Variants in CCDC102B observed in about 807,000 individuals in gnomAD.
CCDC102B encodes the protein coiled-coil domain-containing protein 102B.
CCDC102B carries 75 observed loss-of-function variants against 57.4 expected under a neutral mutation model. That is an observed-to-expected ratio of 1.31 (90% CI 1.08 to 1.58). The LOEUF (loss-of-function observed/expected upper bound fraction) is 1.58, where lower values mean the gene tolerates loss of function less well. Ranked by LOEUF, CCDC102B falls within the 40% of genes most tolerant of loss-of-function variation. CCDC102B has a pLI of 0.00. For synonymous variants in CCDC102B, 206 were observed against 201.9 expected, an observed-to-expected ratio of 1.02 and a Z score of -0.17; for missense variants, 636 against 582.6, an observed-to-expected ratio of 1.09 and a Z score of -0.94.
chr18:69,054,725 T>C lies in CCDC102B; in HGVS notation c.*588T>C, dbSNP rs1342610730. 1 of 985,034 alleles carries C rather than the reference T, an allele frequency of 1.0e-6. No individual in the cohort carries two copies. Among genetic ancestry groups the C allele is most frequent in the African/African-American group, 1.7e-5 (1 of 57,214 alleles). The allele number at this position is 985,034 out of a possible 1,614,324, so 61.0% of individuals were successfully genotyped here. ...GTGTTTTGTATTTTAAAGTAACAGATAACCAGTGATTGAATCTAAGACAGG... is the reference window on the plus strand; with the variant it reads ...GTGTTTTGTATTTTAAAGTAACAGACAACCAGTGATTGAATCTAAGACAGG... On this transcript the variant is annotated 3_prime_UTR_variant, in exon 8 of 8. Coordinates refer to ENST00000360242, the MANE Select transcript of CCDC102B (RefSeq NM_024781.3).
chr18:69,026,041 G>A (rs2051979901), intron 7 of CCDC102B, among the ~76,000 whole-genome samples: 1 of 152,108 alleles, frequency 6.6e-6, no homozygotes, highest in East Asian at 1.9e-4. Flanking sequence ...TCCTTGTCAA[G>A]CATCATGAAA....
In CCDC102B at chr18:68,874,660, C is replaced by A. The variant is rs1417240088; in HGVS notation, c.937-9C>A. The A allele has an allele frequency of 6.4e-7, 1 of 1,562,788 alleles. No homozygotes were observed. The highest frequency in any genetic ancestry group is 8.8e-7 in the Non-Finnish European group (1 of 1,134,628). ...ATCCTGTGATTGTAATTTCAACTTT[C>A]TTTTTCAGTTTGACATTCTTCTTGG... On this transcript the variant is annotated splice_polypyrimidine_tract_variant and intron_variant, in intron 4 of 7. Coordinates refer to ENST00000360242, the MANE Select transcript of CCDC102B (RefSeq NM_024781.3).
chr18:68,946,113 CAT>C (rs1415348700), intron 6 of CCDC102B, among the ~76,000 whole-genome samples: 2 of 151,904 alleles, frequency 1.3e-5, no homozygotes, highest in African/African-American at 4.8e-5. Flanking sequence ...GAAAAATCAA[CAT>C]AGTTAAGTGA....
In CCDC102B at chr18:69,032,009, G is replaced by A. The variant is rs571858087; in HGVS notation, c.1434+20905G>A. 2.6e-5 allele frequency among the ~76,000 whole-genome samples: 4 copies of A among 151,850 alleles called. No homozygotes were observed. The South Asian group carries it at 8.3e-4, about 32-fold the overall frequency. On this transcript the variant is annotated intron_variant, in intron 7 of 7. Transcript: ENST00000360242. ...TTCTTTTGGTTAAAATGGTAAGAAG[G>A]AATAACTGGATTTTTATATCAAGAT...
intron 6 of CCDC102B, among the ~76,000 whole-genome samples, chr18:68,963,634 T>TA (rs1057194959): frequency 2.6e-5 from 4 of 151,954 alleles, no homozygotes; most frequent in Middle Eastern, 3.4e-3. Flanking sequence ...GCCTCCTACT[T>TA]AGAGAATATT....
At chr18:68,806,405 CT>C (rs1462971147) in intron 1 of CCDC102B, among the ~76,000 whole-genome samples, 17 of 151,824 alleles carry the variant, frequency 1.1e-4, no homozygotes, top group African/African-American at 4.1e-4. Context: ...ATTCACTTAC[CT>C]TTGAATAGCA....
At chr18:68,918,351 A>G (rs1428512442) in intron 6 of CCDC102B, among the ~76,000 whole-genome samples, 1 of 152,028 alleles carries the variant, frequency 6.6e-6, no homozygotes, top group Non-Finnish European at 1.5e-5. Context: ...TTTCTCTACA[A>G]TTAACTCCGT....
chr18:68,945,621 A>G (rs563630910), intron 6 of CCDC102B, among the ~76,000 whole-genome samples: 1 of 152,098 alleles, frequency 6.6e-6, no homozygotes, highest in Non-Finnish European at 1.5e-5. Flanking sequence ...TTGGTTACTG[A>G]AGCATGCTGT....
intron 2 of CCDC102B, among the ~76,000 whole-genome samples, chr18:68,729,541 T>TC (rs1476148403): frequency 6.6e-6 from 1 of 152,208 alleles, no homozygotes; most frequent in African/African-American, 2.4e-5. Context: ...TGACTTGATA[T>TC]ATCACGTTGG....
intron 2 of CCDC102B, among the ~76,000 whole-genome samples, chr18:68,767,498 T>G (rs2034507630): frequency 6.6e-6 from 1 of 152,236 alleles, no homozygotes; most frequent in African/African-American, 2.4e-5. Flanking sequence ...AAATGCTTGT[T>G]GTTTAAGCTT....
At chr18:69,021,860 C>A (rs1463882306) in intron 7 of CCDC102B, among the ~76,000 whole-genome samples, 1 of 152,146 alleles carries the variant, frequency 6.6e-6, no homozygotes, top group African/African-American at 2.4e-5. Context: ...TATTTTTAAT[C>A]TAACAATTCC....
At chr18:68,731,044 T>C (rs940682898) in intron 2 of CCDC102B, among the ~76,000 whole-genome samples, 1 of 152,160 alleles carries the variant, frequency 6.6e-6, no homozygotes, top group Admixed American at 6.5e-5. Flanking sequence ...TGGAGTGCAA[T>C]GGCGCGATCT....
chr18:68,877,833 G>A (rs938207033), intron 5 of CCDC102B, among the ~76,000 whole-genome samples: 2 of 152,092 alleles, frequency 1.3e-5, no homozygotes, highest in Non-Finnish European at 2.9e-5. Flanking sequence ...ATATGAGTAT[G>A]GCATAAAAAG....
At chr18:68,777,486 T>C (rs932826374) in intron 2 of CCDC102B, among the ~76,000 whole-genome samples, 3 of 152,218 alleles carry the variant, frequency 2.0e-5, no homozygotes, top group African/African-American at 7.2e-5. Flanking sequence ...CCTTGATTTC[T>C]AACTTTCACT....
At chr18:68,977,976 G>A (rs142474300) in intron 6 of CCDC102B, among the ~76,000 whole-genome samples, 10 of 152,094 alleles carry the variant, frequency 6.6e-5, no homozygotes, top group East Asian at 3.9e-4. Flanking sequence ...TCATGTAGTG[G>A]TCTACTCCCT....
At chr18:68,985,823 AAATTGATTTCTGTGC>A (rs1414567431) in intron 6 of CCDC102B, among the ~76,000 whole-genome samples, 29 of 152,298 alleles carry the variant, frequency 1.9e-4, no homozygotes, top group Admixed American at 8.5e-4. Context: ...AGGCCCTGGG[AAATTGATTTCTGTGC>A]AATGAAACAG....
intron 6 of CCDC102B, among the ~76,000 whole-genome samples, chr18:68,964,477 C>T (rs1296216886): frequency 6.6e-6 from 1 of 150,512 alleles, no homozygotes; most frequent in Admixed American, 6.6e-5. Context: ...ATTTACATGG[C>T]TGGCTTTTCT....
intron 7 of CCDC102B, among the ~76,000 whole-genome samples, chr18:69,049,620 A>G (rs976246615): frequency 1.3e-5 from 2 of 152,194 alleles, no homozygotes; most frequent in African/African-American, 4.8e-5. Context: ...AGTAAGGCCA[A>G]GAAGAAAACA....
chr18:68,789,906 C>T (rs1283207875), intron 2 of CCDC102B, among the ~76,000 whole-genome samples: 2 of 152,046 alleles, frequency 1.3e-5, no homozygotes, highest in Non-Finnish European at 2.9e-5. Flanking sequence ...GAGAGGTTCT[C>T]TGCTTTTTAG....
Sources: allele counts gnomAD v4.1 joint callset (sites outside exome capture counted in the v4.1 genomes callset), GRCh38; gene constraint gnomAD v4.1.1; transcripts MANE v1.5; gene names NCBI Gene and HGNC (gene_info 2026-07-23, HGNC 2026-07-21).